The following ENTREP2 variants were observed in gnomAD, a reference collection of about 807,000 sequenced individuals.
ENTREP2 encodes protein ENTREP2.
At chr15:29,439,286 C>CAA in the ENTREP2 span, among the ~76,000 whole-genome samples, 2,909 of 23,230 alleles carry the variant, frequency 0.13, 52 homozygotes, top group South Asian at 0.39. Flanking sequence ...ATTGGAATTA[C>CAA]ACACACACAC....
At chr15:29,279,134 A>C in the ENTREP2 span, among the ~76,000 whole-genome samples, 3 of 152,162 alleles carry the variant, frequency 2.0e-5, no homozygotes, top group South Asian at 6.2e-4. Context: ...ACACACAGTA[A>C]GTCTGAGGTT....
chr15:29,262,679 C>T, the ENTREP2 span, among the ~76,000 whole-genome samples: 1,162 of 152,316 alleles, frequency 7.6e-3, 18 homozygotes, highest in African/African-American at 0.026. Flanking sequence ...AACCAGTAAA[C>T]GTAAGTGTTT....
the ENTREP2 span, among the ~76,000 whole-genome samples, chr15:29,626,555 T>C: frequency 3.3e-5 from 5 of 152,232 alleles, no homozygotes; most frequent in African/African-American, 1.2e-4. Context: ...TATGTCTTTA[T>C]TAGCAGCAGG....
chr15:29,159,247 C>T, the ENTREP2 span, among the ~76,000 whole-genome samples: 20 of 152,026 alleles, frequency 1.3e-4, no homozygotes, highest in African/African-American at 3.9e-4. Context: ...GTGAGTGTTA[C>T]AGCTCTTAAG....
chr15:29,141,827 G>A, the ENTREP2 span, among the ~76,000 whole-genome samples: 1 of 152,204 alleles, frequency 6.6e-6, no homozygotes, highest in Non-Finnish European at 1.5e-5. Context: ...CCCGCTCTGC[G>A]CTCCAGACCC....
the ENTREP2 span, among the ~76,000 whole-genome samples, chr15:29,155,154 C>T: frequency 2.0e-5 from 3 of 151,944 alleles, no homozygotes; most frequent in Non-Finnish European, 2.9e-5. Context: ...TGGTGGCCGG[C>T]GCCTGTAGTC....
the ENTREP2 span, among the ~76,000 whole-genome samples, chr15:29,651,788 T>G: frequency 1.3e-5 from 2 of 152,160 alleles, no homozygotes; most frequent in Admixed American, 6.5e-5. Flanking sequence ...CCCACGAGCA[T>G]GGGAGGGGAA....
chr15:29,296,574 A>C, the ENTREP2 span, among the ~76,000 whole-genome samples: 1 of 152,232 alleles, frequency 6.6e-6, no homozygotes, highest in Admixed American at 6.5e-5. Flanking sequence ...CTCTACAGAA[A>C]ATCATAAAAC....
the ENTREP2 span, among the ~76,000 whole-genome samples, chr15:29,579,520 CTTT>C: frequency 1.3e-4 from 15 of 111,448 alleles, no homozygotes; most frequent in Admixed American, 3.9e-4. Context: ...TGGTTTCTTT[CTTT>C]TTTTTTTTTT....
At chr15:29,204,920 A>AC in the ENTREP2 span, among the ~76,000 whole-genome samples, 1 of 151,852 alleles carries the variant, frequency 6.6e-6, no homozygotes, top group African/African-American at 2.4e-5. Context: ...ACCACCATCC[A>AC]CCTCCACAAC....
At chr15:29,627,910 T>C in the ENTREP2 span, among the ~76,000 whole-genome samples, 1 of 152,358 alleles carries the variant, frequency 6.6e-6, no homozygotes, top group South Asian at 2.1e-4. Context: ...GGCTCTTGGG[T>C]TCTTTTCACC....
the ENTREP2 span, among the ~76,000 whole-genome samples, chr15:29,373,266 G>T: frequency 6.6e-6 from 1 of 152,124 alleles, no homozygotes; most frequent in Non-Finnish European, 1.5e-5. Context: ...TGAAAGACTA[G>T]AAGGTAAGAA....
At chr15:29,128,717 G>A in the ENTREP2 span, 1 of 1,099,452 alleles carries the variant, frequency 9.1e-7, no homozygotes, top group Non-Finnish European at 1.4e-6. Context: ...AAGAGAATAG[G>A]ACGAGGACGA....
At chr15:29,136,258 C>T in the ENTREP2 span, 4 of 1,252,520 alleles carry the variant, frequency 3.2e-6, no homozygotes, top group South Asian at 5.3e-5. Flanking sequence ...GTTCACCTCA[C>T]AGCCAGCTCG....
chr15:29,258,871 T>C, the ENTREP2 span, among the ~76,000 whole-genome samples: 4 of 152,222 alleles, frequency 2.6e-5, no homozygotes, highest in African/African-American at 4.8e-5. Context: ...ATTTCACTTA[T>C]AGCATAATGT....
the ENTREP2 span, among the ~76,000 whole-genome samples, chr15:29,422,231 T>C: frequency 2.6e-5 from 4 of 151,570 alleles, no homozygotes; most frequent in Non-Finnish European, 5.9e-5. Context: ...GGTCGCGCCA[T>C]TGCACTCCAG....
the ENTREP2 span, among the ~76,000 whole-genome samples, chr15:29,187,115 C>T: frequency 6.8e-3 from 1,043 of 152,272 alleles, 2 homozygotes; most frequent in Non-Finnish European, 8.9e-3. Flanking sequence ...CACCCATACA[C>T]ACTGAAAACT....
At chr15:29,287,671 A>G in the ENTREP2 span, among the ~76,000 whole-genome samples, 5 of 152,354 alleles carry the variant, frequency 3.3e-5, no homozygotes, top group Admixed American at 2.0e-4. Flanking sequence ...TACGGTAAAG[A>G]TATCAATATT....
chr15:29,282,034 G>A, the ENTREP2 span, among the ~76,000 whole-genome samples: 2 of 152,214 alleles, frequency 1.3e-5, no homozygotes, highest in African/African-American at 4.8e-5. Context: ...ACTAAAGTCT[G>A]TAGGTTAGAA....
Sources: allele counts gnomAD v4.1 joint callset (sites outside exome capture counted in the v4.1 genomes callset), GRCh38; gene constraint gnomAD v4.1.1; transcripts MANE v1.5; gene names NCBI Gene and HGNC (gene_info 2026-07-23, HGNC 2026-07-21).